The following PLEKHH2 variants were observed in gnomAD, a reference collection of about 807,000 sequenced individuals.
PLEKHH2 encodes the protein pleckstrin homology, MyTH4 and FERM domain containing H2.
Under a neutral mutation model 187.9 loss-of-function variants are expected in PLEKHH2, and 129 were observed. The observed-to-expected ratio is 0.69, with a 90% CI of 0.59 to 0.79. The LOEUF (loss-of-function observed/expected upper bound fraction) is 0.79. Among genes scored for constraint, PLEKHH2 ranks in the 30% least tolerant of loss-of-function variants. The probability of loss-of-function intolerance (pLI) is 0.00; values close to 1 mark genes in which losing one functional copy is unlikely to be tolerated. For synonymous variants in PLEKHH2, 686 were observed against 605.6 expected (o/e 1.13, Z -1.95); for missense variants, 2,076 against 1,751.2 (o/e 1.19, Z -3.31).
intron 5 of PLEKHH2, among the ~76,000 whole-genome samples, chr2:43,694,832 G>A (rs975077599): frequency 7.9e-5 from 12 of 152,204 alleles, no homozygotes; most frequent in African/African-American, 2.6e-4. Flanking sequence ...TAGCTGAGAA[G>A]CACACGTTTT....
At chr2:43,746,376 T>C (rs1671779276) in intron 24 of PLEKHH2, among the ~76,000 whole-genome samples, 1 of 152,096 alleles carries the variant, frequency 6.6e-6, no homozygotes. Flanking sequence ...CCAGGCATGG[T>C]GGCATGTGCC....
chr2:43,672,806 CT>C (rs1432849237), intron 2 of PLEKHH2, among the ~76,000 whole-genome samples: 4 of 152,180 alleles, frequency 2.6e-5, no homozygotes, highest in Non-Finnish European at 5.9e-5. Context: ...AAAACTCCCT[CT>C]GGTGCCTCAT....
At chr2:43,728,632 GC>G (rs1670894522) in intron 17 of PLEKHH2, among the ~76,000 whole-genome samples, 1 of 148,820 alleles carries the variant, frequency 6.7e-6, no homozygotes, top group Non-Finnish European at 1.5e-5. Flanking sequence ...CGTGATCTCG[GC>G]TCACTGCAAC....
chr2:43,715,746 G>A (rs1670181176), intron 15 of PLEKHH2, among the ~76,000 whole-genome samples: 1 of 152,174 alleles, frequency 6.6e-6, no homozygotes, highest in South Asian at 2.1e-4. Flanking sequence ...AGGAAGATTA[G>A]GTGATTTTGG....
intron 23 of PLEKHH2, among the ~76,000 whole-genome samples, chr2:43,744,670 C>G (rs1671702390): frequency 6.6e-6 from 1 of 151,772 alleles, no homozygotes; most frequent in Non-Finnish European, 1.5e-5. Flanking sequence ...GAGTTTGAGA[C>G]CAGCCTGGGC....
At chr2:43,687,617 T>A (rs945429932) in intron 3 of PLEKHH2, among the ~76,000 whole-genome samples, 8 of 152,210 alleles carry the variant, frequency 5.3e-5, no homozygotes, top group African/African-American at 1.9e-4. Flanking sequence ...AGTGTATAAG[T>A]GTTCCCATTT....
intron 7 of PLEKHH2, among the ~76,000 whole-genome samples, chr2:43,698,481 C>T (rs1669199648): frequency 6.6e-6 from 1 of 152,164 alleles, no homozygotes; most frequent in Non-Finnish European, 1.5e-5. Context: ...CTCCTGGGCT[C>T]AAGCAATCTG....
At chr2:43,692,357 G>A in intron 3 of PLEKHH2, 157 bp from the exon 4 acceptor site, 2 of 558,250 alleles carry the variant, frequency 3.6e-6, no homozygotes, top group Non-Finnish European at 3.0e-6. Context: ...ATAGGCTTGA[G>A]ACTTTATAAT....
chr2:43,707,404 G>T lies in PLEKHH2; in HGVS notation c.1825G>T (p.Ala609Ser). Residue 609 changes from alanine (A) to serine (S), a missense_variant, in exon 11 of 30, where the codon GCG (alanine) becomes TCG (serine). Physicochemically the swap from Ala to Ser is moderately conservative, Grantham distance 99 (BLOSUM62 1). Coordinates refer to ENST00000282406, the MANE Select transcript of PLEKHH2 (RefSeq NM_172069.4). Reference sequence around the variant, plus strand: ...AGGTTGTTCCACTTTTCTTTAGAAGGCGACCCAAATAAGTAGCAGCCCTTT... The same window carrying T: ...AGGTTGTTCCACTTTTCTTTAGAAGTCGACCCAAATAAGTAGCAGCCCTTT... ...TPVYTTLKGKATQISSSPFLD... is the reference protein window; with the variant it reads ...TPVYTTLKGKSTQISSSPFLD... 1.2e-6 allele frequency: 2 copies of T among 1,613,942 alleles called. No homozygotes were observed. Among genetic ancestry groups the T allele is most frequent in the Non-Finnish European group, 1.7e-6 (2 of 1,179,960 alleles).
Position 43,738,561 on chromosome 2 carries a change from G to GTT in PLEKHH2, c.3123+49_3123+50dup, listed in dbSNP as rs60748869. The GTT allele has an allele frequency of 5.9e-4, 853 of 1,456,840 alleles. 1 individual carries two copies. Among genetic ancestry groups the GTT allele is most frequent in the South Asian group, 3.9e-3 (282 of 71,544 alleles). The allele number at this position is 1,456,840 out of a possible 1,614,324, so 90.2% of individuals were successfully genotyped here. On this transcript the variant is annotated intron_variant, in intron 20 of 29. Transcript: ENST00000282406. ...GATACATATACATGCAATTTAAAGT[G>GTT]TTTTTTTTTCTGATTGTAAGAATGA...
intron 24 of PLEKHH2, among the ~76,000 whole-genome samples, chr2:43,750,233 G>C (rs1426956947): frequency 1.3e-5 from 2 of 152,210 alleles, no homozygotes; most frequent in Non-Finnish European, 2.9e-5. Flanking sequence ...AGCACTTTGG[G>C]ATCCTAGGCA....
chr2:43,744,170 C>T, intron 23 of PLEKHH2, 181 bp downstream of exon 23: 2 of 1,303,966 alleles, frequency 1.5e-6, no homozygotes, highest in East Asian at 2.6e-5. Flanking sequence ...ATTCTTAATA[C>T]ACAATCTCTA....
At chr2:43,763,076 T>C (rs941404192) in intron 28 of PLEKHH2, among the ~76,000 whole-genome samples, 2 of 152,212 alleles carry the variant, frequency 1.3e-5, no homozygotes, top group Non-Finnish European at 2.9e-5. Context: ...TTTCCCCTTA[T>C]AATTGCTTAA....
chr2:43,696,352 C>G (rs1176262761), intron 6 of PLEKHH2, among the ~76,000 whole-genome samples: 3 of 151,764 alleles, frequency 2.0e-5, no homozygotes, highest in Admixed American at 1.3e-4. Context: ...TGGCACACAC[C>G]TATACTCTCA....
intron 19 of PLEKHH2, among the ~76,000 whole-genome samples, chr2:43,736,758 A>G (rs183699676): frequency 6.6e-6 from 1 of 152,260 alleles, no homozygotes; most frequent in East Asian, 1.9e-4. Context: ...ACTTGAACCC[A>G]GGAGGCAGAA....
At chr2:43,639,472 C>A (rs1279065004) in intron 1 of PLEKHH2, among the ~76,000 whole-genome samples, 2 of 152,228 alleles carry the variant, frequency 1.3e-5, no homozygotes, top group African/African-American at 4.8e-5. Flanking sequence ...ACTTTCTGTC[C>A]TTTGGATTTG....
intron 1 of PLEKHH2, among the ~76,000 whole-genome samples, chr2:43,640,903 ACCCCCAAGT>A (rs1665877878): frequency 1.3e-5 from 2 of 148,180 alleles, no homozygotes; most frequent in South Asian, 4.3e-4. Context: ...TCCTGCCTCA[ACCCCCAAGT>A]AGCTGGGACT....
intron 1 of PLEKHH2, among the ~76,000 whole-genome samples, chr2:43,643,539 T>C (rs1666045816): frequency 6.6e-6 from 1 of 152,088 alleles, no homozygotes; most frequent in Non-Finnish European, 1.5e-5. Flanking sequence ...GGTGTAGGAT[T>C]AGGGAGGATT....
intron 3 of PLEKHH2, among the ~76,000 whole-genome samples, chr2:43,690,743 T>A (rs1198879356): frequency 1.3e-5 from 2 of 152,244 alleles, no homozygotes; most frequent in African/African-American, 4.8e-5. Flanking sequence ...TTGTATATAG[T>A]ACTCAATACT....
Sources: allele counts gnomAD v4.1 joint callset (sites outside exome capture counted in the v4.1 genomes callset), GRCh38; gene constraint gnomAD v4.1.1; transcripts MANE v1.5; gene names NCBI Gene and HGNC (gene_info 2026-07-23, HGNC 2026-07-21).